The following DAPL1 variants were observed in gnomAD, a reference collection of about 807,000 sequenced individuals.
DAPL1 encodes death-associated protein-like 1.
Under a neutral mutation model 12.9 loss-of-function variants are expected in DAPL1, and 17 were observed. The observed-to-expected ratio is 1.32, with a 90% CI of 0.90 to 1.98. DAPL1 has a LOEUF of 1.98. Ranked by LOEUF, DAPL1 falls within the 30% of genes most tolerant of loss-of-function variation. DAPL1 has a pLI of 0.00. For missense variants in DAPL1, 157 were observed against 125.7 expected, an observed-to-expected ratio of 1.25 and a Z score of -1.19; for synonymous variants, 51 against 42.0, an observed-to-expected ratio of 1.21 and a Z score of -0.82.
intron 1 of DAPL1, among the ~76,000 whole-genome samples, chr2:158,802,972 C>A (rs1170305026): frequency 1.3e-5 from 2 of 152,006 alleles, no homozygotes; most frequent in Admixed American, 1.3e-4. Context: ...AATGTTAAAG[C>A]AGATGTTAAA....
intron 1 of DAPL1, among the ~76,000 whole-genome samples, chr2:158,803,747 G>A (rs564744619): frequency 6.6e-6 from 1 of 152,288 alleles, no homozygotes; most frequent in African/African-American, 2.4e-5. Context: ...CTGGATGGAA[G>A]GTGGGTATCT....
chr2:158,813,043 T>C (rs1258155075), intron 3 of DAPL1, among the ~76,000 whole-genome samples: 1 of 152,140 alleles, frequency 6.6e-6, no homozygotes, highest in South Asian at 2.1e-4. Context: ...TGGAATATTA[T>C]TTAACCTTAC....
rs541409441 is a variant in DAPL1 at position 158,813,728 on chromosome 2, C to T, written c.208-1977C>T. 4.6e-5 allele frequency among the ~76,000 whole-genome samples: 7 copies of T among 152,000 alleles called. No homozygotes were observed. The East Asian group carries it at 7.8e-4, about 17-fold the overall frequency. On this transcript the variant is annotated intron_variant, in intron 3 of 3. Coordinates refer to ENST00000309950, the MANE Select transcript of DAPL1 (RefSeq NM_001017920.3). ...TCGCCACCATGCCCGGCTAATTTTTCATATTTTTAGTAGAGATGGGGTTTC... is the reference window on the plus strand; with the variant it reads ...TCGCCACCATGCCCGGCTAATTTTTTATATTTTTAGTAGAGATGGGGTTTC...
rs746105832 is a variant in DAPL1, at chr2:158,807,063, C to A, written c.155C>A (p.Ala52Glu). ...KTGFEKTSAI[A>E]NVAKIQTLDA... ...TCTTTTCATCTTCACAGTGCCATTG[C>A]AAATGTTGCCAAAATACAGACACTG... Residue 52 changes from alanine to glutamate, a missense_variant, in exon 3 of 4, where the codon GCA becomes GAA. Coordinates refer to ENST00000309950, the MANE Select transcript of DAPL1 (RefSeq NM_001017920.3). The A allele has an allele frequency of 1.2e-6, 2 of 1,612,304 alleles. No individual in the cohort carries two copies. The highest frequency in any genetic ancestry group is 4.5e-5 in the East Asian group (2 of 44,814).
At chr2:158,799,138 C>T (rs139022864) in intron 1 of DAPL1, among the ~76,000 whole-genome samples, 143 of 152,248 alleles carry the variant, frequency 9.4e-4, no homozygotes, top group East Asian at 6.8e-3. Flanking sequence ...TCATTTTCCC[C>T]GCTTAAATTT....
intron 2 of DAPL1, 95 bp from the exon 3 acceptor site, chr2:158,806,960 T>G (rs1285674534): frequency 2.2e-5 from 20 of 912,964 alleles, no homozygotes; most frequent in Non-Finnish European, 2.6e-5. Flanking sequence ...AGTGAAAGCA[T>G]AAAAGGCTGG....
rs770926174 is a variant in DAPL1, at chr2:158,804,352, AG to A, written c.131del (p.Gly44AspfsTer20). 1.2e-6 allele frequency: 2 copies of A among 1,610,232 alleles called. No homozygotes were observed. The highest frequency in any genetic ancestry group is 1.7e-6 in the Non-Finnish European group (2 of 1,178,004). On this transcript the variant is annotated frameshift_variant, in exon 2 of 4. Transcript: ENST00000309950. LOFTEE classifies it high-confidence loss of function. ...GTLERHTKKT[G>X]FEKTSAIANV... is the part of the protein sequence containing the mutation. ...CCTTGGAAAGACATACCAAAAAAAC[AG>A]GATTCGAGAAAACAAGGTAGGGACT...
chr2:158,795,505 C>A lies in DAPL1; in HGVS notation c.58+75C>A, dbSNP rs1477241840. ...TCCACCAATGCCTTCCATGGAGCAC[C>A]CCGACAGACGGAAGCTTCTCTGTCT... On this transcript the variant is annotated intron_variant, in intron 1 of 3. Transcript: ENST00000309950. 5.0e-6 allele frequency: 7 copies of A among 1,401,758 alleles called. No homozygotes were observed. The African/African-American group carries it at 7.1e-5, about 14-fold the overall frequency. 86.8% of individuals were successfully genotyped at this position (1,401,758 alleles called of 1,614,324 possible).
At chr2:158,802,480 A>G (rs1482091615) in intron 1 of DAPL1, among the ~76,000 whole-genome samples, 1 of 152,228 alleles carries the variant, frequency 6.6e-6, no homozygotes, top group Non-Finnish European at 1.5e-5. Context: ...AGAACCACAG[A>G]AAGTCCAGAT....
intron 1 of DAPL1, among the ~76,000 whole-genome samples, chr2:158,798,883 C>T (rs2059149875): frequency 6.6e-6 from 1 of 151,992 alleles, no homozygotes; most frequent in African/African-American, 2.4e-5. Context: ...TTGCACAAAC[C>T]TTTGTGCCTT....
chr2:158,811,627 C>T (rs1029920712), intron 3 of DAPL1, among the ~76,000 whole-genome samples: 2 of 152,252 alleles, frequency 1.3e-5, no homozygotes, highest in African/African-American at 4.8e-5. Context: ...TCTATTGATC[C>T]ACTTTCTAAG....
chr2:158,812,175 G>T (rs2059234564), intron 3 of DAPL1, among the ~76,000 whole-genome samples: 1 of 152,210 alleles, frequency 6.6e-6, no homozygotes, highest in Non-Finnish European at 1.5e-5. Flanking sequence ...TACACTTGTA[G>T]CTTAACAATT....
At chr2:158,804,071 G>A (rs1163294133) in intron 1 of DAPL1, among the ~76,000 whole-genome samples, 2 of 152,254 alleles carry the variant, frequency 1.3e-5, no homozygotes, top group Non-Finnish European at 2.9e-5. Flanking sequence ...ACTTCTCTGA[G>A]CATAAACAAG....
At chr2:158,809,357 C>CAAAAAAAAAAAAAAAAGA in intron 3 of DAPL1, among the ~76,000 whole-genome samples, 1 of 69,528 alleles carries the variant, frequency 1.4e-5, no homozygotes, top group Admixed American at 2.0e-4. Flanking sequence ...GACTCCATCT[C>CAAAAAAAAAAAAAAAAGA]AAAAAAAAAA....
At chr2:158,805,307 A>G (rs2059194479) in intron 2 of DAPL1, among the ~76,000 whole-genome samples, 1 of 152,214 alleles carries the variant, frequency 6.6e-6, no homozygotes, top group South Asian at 2.1e-4. Flanking sequence ...TGAAATACTG[A>G]TTCGCTCCAT....
At chr2:158,804,445 A>C in intron 2 of DAPL1, 76 bp downstream of exon 2, 1 of 1,098,538 alleles carries the variant, frequency 9.1e-7, no homozygotes, top group Non-Finnish European at 1.3e-6. Context: ...TTTTAGGACA[A>C]ACCAAGGCTC....
intron 1 of DAPL1, among the ~76,000 whole-genome samples, chr2:158,799,885 C>T (rs1242773039): frequency 1.3e-5 from 2 of 151,824 alleles, no homozygotes; most frequent in South Asian, 2.1e-4. Context: ...CTTATTGTTC[C>T]TAAGGATGAG....
chr2:158,795,931 A>C (rs2059132220), intron 1 of DAPL1, among the ~76,000 whole-genome samples: 1 of 152,180 alleles, frequency 6.6e-6, no homozygotes. Context: ...CTCCCTCCTC[A>C]GGCTTTGGGG....
At chr2:158,813,168 G>A (rs2059240795) in intron 3 of DAPL1, among the ~76,000 whole-genome samples, 1 of 152,198 alleles carries the variant, frequency 6.6e-6, no homozygotes, top group Admixed American at 6.5e-5. Flanking sequence ...CCTATGGGAG[G>A]TACCCAAAGT....
Sources: gnomAD v4.1 joint callset for allele counts (sites outside exome capture counted in the v4.1 genomes callset) on GRCh38, gnomAD v4.1.1 for gene constraint, MANE v1.5 for transcripts, NCBI Gene and HGNC (gene_info 2026-07-23, HGNC 2026-07-21) for gene names.